Variants in ADGRL2 observed in about 807,000 individuals in gnomAD.
The protein encoded by ADGRL2 is calcium-independent alpha-latrotoxin receptor 2.
In ADGRL2, 44 loss-of-function variants were observed where a neutral mutation model predicts 157.4. The observed-to-expected ratio is 0.28, with a 90% CI of 0.22 to 0.36. The LOEUF is 0.36. Ranked by LOEUF, ADGRL2 falls within the 10% of genes least tolerant of loss-of-function variation. ADGRL2 has a pLI of 1.00. For missense variants in ADGRL2, 1,510 were observed against 1,768.9 expected, an observed-to-expected ratio of 0.85 and a Z score of 2.63; for synonymous variants, 585 against 624.7, an observed-to-expected ratio of 0.94 and a Z score of 0.95.
intron 1 of ADGRL2, among the ~76,000 whole-genome samples, chr1:81,378,253 T>A (rs1164036047): frequency 6.6e-6 from 1 of 151,880 alleles, no homozygotes; most frequent in Non-Finnish European, 1.5e-5. Flanking sequence ...GGTTTTGTCA[T>A]CAAGGTGTCC....
chr1:81,937,933 A>T (rs548230928), intron 4 of ADGRL2, among the ~76,000 whole-genome samples: 1 of 151,978 alleles, frequency 6.6e-6, no homozygotes, highest in Non-Finnish European at 1.5e-5. Context: ...ATTCTGACAC[A>T]TGCTGTGAAG....
At chr1:81,639,515 C>G (rs903496411) in intron 3 of ADGRL2, among the ~76,000 whole-genome samples, 1 of 117,442 alleles carries the variant, frequency 8.5e-6, no homozygotes, top group African/African-American at 3.4e-5. Context: ...ATCAGTATGG[C>G]CAATGTAGTG....
chr1:81,907,060 A>G lies in ADGRL2; in HGVS notation c.117A>G (p.Glu39=). The G allele has an allele frequency of 6.2e-7, 1 of 1,614,086 alleles. No individual in the cohort carries two copies. ...TACCATTTGGGCTGGTGAGGCGAGAATTATCCTGTGAAGGTTATTCTATAG... is the reference window on the plus strand; with the variant it reads ...TACCATTTGGGCTGGTGAGGCGAGAGTTATCCTGTGAAGGTTATTCTATAG... The part of the protein sequence containing the change: ...AALPFGLVRR[E]LSCEGYSIDL... The change falls in exon 3 of 24, where the codon GAA becomes GAG. Residue 39 remains glutamate (E), a synonymous_variant. Transcript: ENST00000686636.
At chr1:81,679,647 A>G (rs1351478683) in intron 3 of ADGRL2, among the ~76,000 whole-genome samples, 1 of 152,186 alleles carries the variant, frequency 6.6e-6, no homozygotes, top group Non-Finnish European at 1.5e-5. Context: ...CCTTTGCTAT[A>G]CTAGGTTTCT....
intron 1 of ADGRL2, among the ~76,000 whole-genome samples, chr1:81,355,358 C>CA (rs1294702495): frequency 1.3e-5 from 2 of 150,740 alleles, no homozygotes; most frequent in Non-Finnish European, 3.0e-5. Context: ...GACTCAGTCT[C>CA]AAAAAAAGAG....
chr1:81,766,381 A>G (rs2149327167), intron 2 of ADGRL2, among the ~76,000 whole-genome samples: 1 of 152,308 alleles, frequency 6.6e-6, no homozygotes, highest in Non-Finnish European at 1.5e-5. Context: ...TTGCCATTTT[A>G]TATCTTCAAA....
intron 2 of ADGRL2, among the ~76,000 whole-genome samples, chr1:81,775,427 A>G (rs545147406): frequency 6.6e-6 from 1 of 152,182 alleles, no homozygotes; most frequent in Non-Finnish European, 1.5e-5. Flanking sequence ...TTAGACAACA[A>G]AAAGAAAAGT....
chr1:81,915,801 C>T (rs576658091), intron 3 of ADGRL2, among the ~76,000 whole-genome samples: 18 of 152,198 alleles, frequency 1.2e-4, no homozygotes, highest in South Asian at 8.3e-4. Flanking sequence ...AATCAATAGA[C>T]GTGAACGTGA....
At chr1:81,528,326 T>A (rs1449330457) in intron 2 of ADGRL2, among the ~76,000 whole-genome samples, 2 of 152,040 alleles carry the variant, frequency 1.3e-5, no homozygotes, top group Non-Finnish European at 2.9e-5. Context: ...AGGAATTAGA[T>A]AGAAGGTAGC....
chr1:81,919,713 C>A (rs2094936472), intron 3 of ADGRL2, among the ~76,000 whole-genome samples: 2 of 151,788 alleles, frequency 1.3e-5, no homozygotes, highest in African/African-American at 4.8e-5. Context: ...TAATAGAATT[C>A]TATGTAAACT....
chr1:81,838,301 G>C (rs1489846504), intron 2 of ADGRL2, among the ~76,000 whole-genome samples: 5 of 151,944 alleles, frequency 3.3e-5, no homozygotes, highest in East Asian at 3.8e-4. Context: ...AACAAATTTA[G>C]AAATACTTAA....
intron 1 of ADGRL2, among the ~76,000 whole-genome samples, chr1:81,383,819 A>C (rs944484440): frequency 1.0e-4 from 15 of 146,396 alleles, no homozygotes; most frequent in African/African-American, 3.5e-4. Context: ...AAAAAAAAAA[A>C]AAAAAAAGAG....
At chr1:81,502,391 C>G (rs1397745151) in intron 2 of ADGRL2, 6 of 1,613,928 alleles carry the variant, frequency 3.7e-6, no homozygotes, top group Non-Finnish European at 4.2e-6. Context: ...AGAGATCTCT[C>G]GAGATTTTGC....
intron 1 of ADGRL2, among the ~76,000 whole-genome samples, chr1:81,403,133 C>T (rs1163773854): frequency 6.6e-6 from 1 of 152,070 alleles, no homozygotes; most frequent in Non-Finnish European, 1.5e-5. Context: ...GGAAGATGTC[C>T]TTGATGAGAT....
intron 2 of ADGRL2, among the ~76,000 whole-genome samples, chr1:81,576,705 T>C (rs2080804719): frequency 6.7e-6 from 1 of 148,410 alleles, no homozygotes; most frequent in African/African-American, 2.6e-5. Context: ...GCAACCAGTG[T>C]TCTTCTTCTT....
At chr1:81,356,823 G>A (rs1663328758) in intron 1 of ADGRL2, among the ~76,000 whole-genome samples, 2 of 151,632 alleles carry the variant, frequency 1.3e-5, no homozygotes, top group African/African-American at 4.8e-5. Flanking sequence ...CGTGGTGGTG[G>A]GAGCCTGTAG....
At chr1:81,468,218 A>C (rs2101850143) in intron 2 of ADGRL2, among the ~76,000 whole-genome samples, 1 of 152,318 alleles carries the variant, frequency 6.6e-6, no homozygotes, top group Admixed American at 6.5e-5. Flanking sequence ...ATTGACCAGT[A>C]ATTGATAATT....
chr1:81,440,427 A>T (rs1332735619), intron 1 of ADGRL2, among the ~76,000 whole-genome samples: 1 of 152,148 alleles, frequency 6.6e-6, no homozygotes, highest in Non-Finnish European at 1.5e-5. Flanking sequence ...ATTCCTACTC[A>T]CCTTAACTCT....
At chr1:81,576,580 C>G (rs1029740645) in intron 2 of ADGRL2, among the ~76,000 whole-genome samples, 5 of 152,088 alleles carry the variant, frequency 3.3e-5, no homozygotes, top group African/African-American at 1.2e-4. Context: ...CAGATTCAAT[C>G]AAGGCCAGTC....
Sources: allele counts gnomAD v4.1 joint callset (sites outside exome capture counted in the v4.1 genomes callset), GRCh38; gene constraint gnomAD v4.1.1; transcripts MANE v1.5; gene names NCBI Gene and HGNC (gene_info 2026-07-23, HGNC 2026-07-21).